SDK1: variants seen among roughly 807,000 people sequenced by gnomAD.
SDK1 encodes the protein sidekick cell adhesion molecule 1.
A neutral mutation model predicts 245.5 loss-of-function variants in SDK1; 157 were observed. The observed-to-expected ratio is 0.64, with a 90% confidence interval of 0.56 to 0.73. The LOEUF is 0.73. SDK1 is among the 30% of genes least tolerant of loss of function. The probability of loss-of-function intolerance (pLI) is 0.00; values close to 1 mark genes in which losing one functional copy is unlikely to be tolerated. For missense variants in SDK1, 3,583 were observed against 3,002.3 expected (o/e 1.19, Z -4.52); for synonymous variants, 1,647 against 1,278.5 (o/e 1.29, Z -6.15).
intron 5 of SDK1, among the ~76,000 whole-genome samples, chr7:3,902,454 C>T (rs191719993): frequency 9.1e-4 from 138 of 152,240 alleles, no homozygotes; most frequent in African/African-American, 3.2e-3. Context: ...TTAATATTTC[C>T]TTCTGGTTCT....
At chr7:3,586,161 G>A (rs968176159) in intron 1 of SDK1, among the ~76,000 whole-genome samples, 2 of 151,928 alleles carry the variant, frequency 1.3e-5, no homozygotes, top group Admixed American at 1.3e-4. Context: ...CTAACTCTCA[G>A]TGAAGTGTGC....
chr7:4,228,562 C>T (rs1785568760), intron 40 of SDK1, among the ~76,000 whole-genome samples: 1 of 152,176 alleles, frequency 6.6e-6, no homozygotes. Flanking sequence ...CTTTTTGAAA[C>T]CGAGTCTCAC....
chr7:3,610,097 G>A (rs1443730914), intron 1 of SDK1, among the ~76,000 whole-genome samples: 1 of 152,164 alleles, frequency 6.6e-6, no homozygotes, highest in Non-Finnish European at 1.5e-5. Context: ...TTGTAACTTT[G>A]CTAAAATCAA....
At chr7:3,862,315 G>T (rs1268290656) in intron 5 of SDK1, among the ~76,000 whole-genome samples, 2 of 152,210 alleles carry the variant, frequency 1.3e-5, no homozygotes, top group Non-Finnish European at 2.9e-5. Context: ...GGTAATTTCT[G>T]TCTGCAGCCA....
chr7:4,230,575 G>A (rs892499813), intron 40 of SDK1, among the ~76,000 whole-genome samples: 5 of 151,672 alleles, frequency 3.3e-5, no homozygotes, highest in African/African-American at 1.2e-4. Context: ...AGGATGAATG[G>A]ATGGATAATG....
chr7:4,111,275 C>A (rs976549857), intron 23 of SDK1, among the ~76,000 whole-genome samples: 1 of 152,168 alleles, frequency 6.6e-6, no homozygotes, highest in Non-Finnish European at 1.5e-5. Context: ...GGCAGTAAAT[C>A]CTTGGCTTTA....
rs186239439 is a variant in SDK1 at position 3,850,893 on chromosome 7, G to A, written c.847+29310G>A. On this transcript the variant is annotated intron_variant, in intron 5 of 44. Transcript: ENST00000404826. ...GGAGGGGGGAGGGAAAGAATTAAGA[G>A]ATATACCTAATGTAAATGACGACTT... 1.7e-3 allele frequency among the ~76,000 whole-genome samples: 264 copies of A among 152,042 alleles called. 2 individuals carry two copies. The highest frequency in any genetic ancestry group is 0.011 in the Admixed American group (175 of 15,262).
chr7:3,792,012 C>T (rs901991354), intron 4 of SDK1, among the ~76,000 whole-genome samples: 4 of 152,052 alleles, frequency 2.6e-5, no homozygotes, highest in African/African-American at 9.7e-5. Context: ...CCTGTAGTCC[C>T]AGCTACTCAA....
At position 4,224,790 on chromosome 7, in the gene SDK1, G is replaced by A. The variant is rs564401530; in HGVS notation, c.5827+3426G>A. Among the ~76,000 whole-genome samples the A allele has an allele frequency of 6.6e-5, 10 of 151,840 alleles. No homozygotes were observed. The East Asian group carries it at 1.4e-3, about 21-fold the overall frequency. ...GAGGTCAGGAGTTTAAGACCAGCCT[G>A]ACCAACATGGTGAAACCCAGTCTGT... On this transcript the variant is annotated intron_variant, in intron 40 of 44. Coordinates refer to ENST00000404826, the MANE Select transcript of SDK1 (RefSeq NM_152744.4).
intron 1 of SDK1, among the ~76,000 whole-genome samples, chr7:3,593,099 T>C (rs904039244): frequency 3.3e-5 from 5 of 152,236 alleles, no homozygotes; most frequent in African/African-American, 1.2e-4. Flanking sequence ...GGAACATATT[T>C]AACTTGGTGC....
chr7:3,618,509 G>A (rs141760479), intron 1 of SDK1, among the ~76,000 whole-genome samples: 5 of 152,258 alleles, frequency 3.3e-5, no homozygotes, highest in South Asian at 2.1e-4. Context: ...CTGCATTCTC[G>A]CTGCAGTGCG....
intron 28 of SDK1, among the ~76,000 whole-genome samples, chr7:4,141,434 T>C (rs986278905): frequency 4.6e-5 from 7 of 152,214 alleles, no homozygotes; most frequent in African/African-American, 1.4e-4. Flanking sequence ...AGATAAAACA[T>C]GGTGAAACAG....
At chr7:3,656,855 C>G (rs1783202055) in intron 4 of SDK1, among the ~76,000 whole-genome samples, 2 of 151,748 alleles carry the variant, frequency 1.3e-5, no homozygotes, top group African/African-American at 2.4e-5. Flanking sequence ...TCACACCATT[C>G]TCCTGCCTCA....
At chr7:3,397,891 C>A (rs1390722440) in intron 1 of SDK1, among the ~76,000 whole-genome samples, 1 of 152,042 alleles carries the variant, frequency 6.6e-6, no homozygotes, top group Non-Finnish European at 1.5e-5. Context: ...TTGATAATTA[C>A]ATAATCTCTG....
Position 4,017,328 on chromosome 7 carries a change from G to A in SDK1, c.2578G>A (p.Val860Met), listed in dbSNP as rs1438964946. 2 of 1,613,104 alleles carry A rather than the reference G, an allele frequency of 1.2e-6. No homozygotes were observed. The highest frequency in any genetic ancestry group is 8.5e-7 in the Non-Finnish European group (1 of 1,179,610). The stretch of plus-strand genomic sequence containing the variant: ...CGGTCTGGGCGTCTTCAGCAGGGCA[G>A]TGACCGAGTACACCTTGCAGGGAGG... Reference protein sequence around the residue: ...GAGLGVFSRAVTEYTLQGVPT... With the variant: ...GAGLGVFSRAMTEYTLQGVPT... The change falls in exon 17 of 45, where the codon GTG (valine) becomes ATG (methionine). Residue 860 changes from valine (V) to methionine (M), a missense_variant. Physicochemically the swap from Val to Met is conservative, Grantham distance 21. Transcript: ENST00000404826.
chr7:3,665,541 G>A (rs1021382439), intron 4 of SDK1, among the ~76,000 whole-genome samples: 17 of 152,140 alleles, frequency 1.1e-4, no homozygotes, highest in African/African-American at 4.1e-4. Context: ...TATTTGTTTG[G>A]TTGAATGAAT....
chr7:3,951,128 C>A, intron 6 of SDK1, 94 bp downstream of exon 6: 3 of 939,436 alleles, frequency 3.2e-6, no homozygotes, highest in South Asian at 1.4e-5. Context: ...TGAGGTTCAG[C>A]CTTCTAGCGA....
intron 4 of SDK1, among the ~76,000 whole-genome samples, chr7:3,801,151 C>G (rs1389656630): frequency 1.3e-5 from 2 of 152,190 alleles, no homozygotes; most frequent in Non-Finnish European, 2.9e-5. Flanking sequence ...AAATAAGACA[C>G]ATCACTATTT....
At chr7:3,438,224 A>G (rs1353654136) in intron 1 of SDK1, among the ~76,000 whole-genome samples, 1 of 152,138 alleles carries the variant, frequency 6.6e-6, no homozygotes, top group Non-Finnish European at 1.5e-5. Context: ...TGCTGCTAAG[A>G]CCTATATTAT....
Sources: allele counts gnomAD v4.1 joint callset (sites outside exome capture counted in the v4.1 genomes callset), GRCh38; gene constraint gnomAD v4.1.1; transcripts MANE v1.5; gene names NCBI Gene and HGNC (gene_info 2026-07-23, HGNC 2026-07-21).